The following MLLT10 variants were observed in gnomAD, a reference collection of about 807,000 sequenced individuals.
MLLT10 encodes the protein MLLT10 histone lysine methyltransferase DOT1L cofactor.
Under a neutral mutation model 129.1 loss-of-function variants are expected in MLLT10, and 30 were observed. That is an observed-to-expected ratio of 0.23 (90% confidence interval 0.17 to 0.32). MLLT10 has a LOEUF of 0.32. Ranked by LOEUF, MLLT10 falls within the 10% of genes least tolerant of loss-of-function variation. The pLI is 1.00. For synonymous variants in MLLT10, 490 were observed against 446.4 expected, an observed-to-expected ratio of 1.10 and a Z score of -1.23; for missense variants, 1,119 against 1,268.3, an observed-to-expected ratio of 0.88 and a Z score of 1.79.
intron 16 of MLLT10, among the ~76,000 whole-genome samples, chr10:21,728,691 A>T (rs1318170409): frequency 9.2e-5 from 14 of 152,088 alleles, no homozygotes; most frequent in Admixed American, 6.6e-4. Flanking sequence ...AGAAAAGCCC[A>T]TTCTAGGGTC....
At chr10:21,612,501 T>TA (rs1240361438) in intron 6 of MLLT10, 50 bp downstream of exon 6, 3 of 1,155,274 alleles carry the variant, frequency 2.6e-6, no homozygotes, top group African/African-American at 3.1e-5. Context: ...AAATACCTTG[T>TA]GTAACAATCA....
chr10:21,574,353 TA>T (rs943337635), intron 3 of MLLT10, among the ~76,000 whole-genome samples: 16 of 151,644 alleles, frequency 1.1e-4, no homozygotes, highest in South Asian at 2.1e-4. Context: ...TCTTCCTATT[TA>T]AAAAAAAATT....
At chr10:21,707,189 A>ATTTTT (rs1199544245) in intron 13 of MLLT10, among the ~76,000 whole-genome samples, 7 of 122,498 alleles carry the variant, frequency 5.7e-5, no homozygotes, top group African/African-American at 1.3e-4. Flanking sequence ...AGTTTAGATG[A>ATTTTT]TTTTTTTTTT....
intron 21 of MLLT10, among the ~76,000 whole-genome samples, chr10:21,739,498 A>G (rs747126568): frequency 2.0e-4 from 31 of 152,210 alleles, no homozygotes; most frequent in Admixed American, 4.6e-4. Context: ...GACGCAGAGC[A>G]GTAATCACAT....
At chr10:21,724,328 G>T (rs764958025) in intron 14 of MLLT10, among the ~76,000 whole-genome samples, 1 of 152,180 alleles carries the variant, frequency 6.6e-6, no homozygotes, top group Non-Finnish European at 1.5e-5. Flanking sequence ...TTTGTAAGTG[G>T]GCTGAAGGCC....
chr10:21,732,212 C>T (rs568252324), intron 17 of MLLT10, among the ~76,000 whole-genome samples: 2 of 152,172 alleles, frequency 1.3e-5, no homozygotes, highest in Non-Finnish European at 2.9e-5. Flanking sequence ...AAAATCTTAA[C>T]GGCAACACTC....
chr10:21,574,876 A>G (rs1279630621), intron 3 of MLLT10, among the ~76,000 whole-genome samples: 2 of 151,972 alleles, frequency 1.3e-5, no homozygotes, highest in African/African-American at 2.4e-5. Flanking sequence ...CTTTATTACA[A>G]CCTGTTTTAT....
intron 2 of MLLT10, among the ~76,000 whole-genome samples, chr10:21,538,619 G>C (rs528474205): frequency 2.5e-4 from 38 of 152,216 alleles, no homozygotes; most frequent in African/African-American, 8.9e-4. Flanking sequence ...GATTTATTTA[G>C]ATGAGGTAAC....
intron 8 of MLLT10, among the ~76,000 whole-genome samples, chr10:21,639,870 T>A (rs1486090837): frequency 2.0e-5 from 3 of 151,894 alleles, no homozygotes; most frequent in Non-Finnish European, 4.4e-5. Context: ...TAGGGGAAGT[T>A]TAGAGCATAT....
intron 13 of MLLT10, among the ~76,000 whole-genome samples, chr10:21,683,142 C>T (rs1195143820): frequency 6.6e-6 from 1 of 152,138 alleles, no homozygotes; most frequent in Non-Finnish European, 1.5e-5. Context: ...ACAGTATCGA[C>T]AGCCAACAAG....
At chr10:21,539,976 C>A (rs187041478) in intron 3 of MLLT10, among the ~76,000 whole-genome samples, 1 of 151,686 alleles carries the variant, frequency 6.6e-6, no homozygotes, top group African/African-American at 2.4e-5. Context: ...GGAGGTAGGC[C>A]GGGTGCAGTG....
chr10:21,629,728 G>T (rs971089633), intron 8 of MLLT10, among the ~76,000 whole-genome samples: 2 of 152,214 alleles, frequency 1.3e-5, no homozygotes, highest in African/African-American at 4.8e-5. Flanking sequence ...TTGAAGAGGA[G>T]TTTCAATGTA....
intron 3 of MLLT10, among the ~76,000 whole-genome samples, chr10:21,584,062 G>T (rs1271543687): frequency 1.3e-5 from 2 of 151,688 alleles, no homozygotes; most frequent in African/African-American, 2.4e-5. Flanking sequence ...ATAGAGACGG[G>T]GTTTCACCGT....
intron 22 of MLLT10, among the ~76,000 whole-genome samples, chr10:21,741,351 TATGAA>T (rs1833583006): frequency 6.6e-6 from 1 of 152,222 alleles, no homozygotes; most frequent in Admixed American, 6.5e-5. Flanking sequence ...GGTTATACAA[TATGAA>T]ATGTATTTAA....
At chr10:21,664,289 TG>T (rs1336016722) in intron 9 of MLLT10, among the ~76,000 whole-genome samples, 1 of 151,616 alleles carries the variant, frequency 6.6e-6, no homozygotes, top group Non-Finnish European at 1.5e-5. Flanking sequence ...TCTATGTATG[TG>T]TTTTTTTTTT....
At position 21,734,126 on chromosome 10, in the gene MLLT10, A is replaced by C. The variant is rs1463976700; in HGVS notation, c.2855A>C (p.Asn952Thr). Reference sequence around the variant, plus strand: ...CATCCAATGCCAGCTACACTGACTAACAGGTAAGAAACTTAAGTATGTTTT... The same window carrying C: ...CATCCAATGCCAGCTACACTGACTACCAGGTAAGAAACTTAAGTATGTTTT... The part of the protein sequence containing the change: ...ATHPMPATLT[N>T]SASGLGLLSD... The change falls in exon 20 of 23, where the codon AAC becomes ACC. Residue 952 changes from asparagine (N) to threonine (T), a missense_variant. Coordinates refer to ENST00000307729, the MANE Select transcript of MLLT10 (RefSeq NM_001195626.3). The C allele has an allele frequency of 1.3e-6, 2 of 1,596,114 alleles. No homozygotes were observed. The highest frequency in any genetic ancestry group is 1.7e-6 in the Non-Finnish European group (2 of 1,169,680).
intron 21 of MLLT10, among the ~76,000 whole-genome samples, chr10:21,736,110 T>C (rs2131586101): frequency 6.6e-6 from 1 of 152,290 alleles, no homozygotes; most frequent in East Asian, 1.9e-4. Flanking sequence ...AGTGAAATAA[T>C]GATTTACATT....
At chr10:21,710,598 T>A (rs377403949) in intron 13 of MLLT10, among the ~76,000 whole-genome samples, 2 of 152,342 alleles carry the variant, frequency 1.3e-5, no homozygotes, top group African/African-American at 4.8e-5. Flanking sequence ...TCTTCAGATC[T>A]GAATTTCCTG....
chr10:21,596,870 G>T (rs991113095), intron 5 of MLLT10, among the ~76,000 whole-genome samples: 1 of 151,638 alleles, frequency 6.6e-6, no homozygotes, highest in Non-Finnish European at 1.5e-5. Flanking sequence ...TTTTAATTTT[G>T]TTACGTCTTC....
Sources: allele counts gnomAD v4.1 joint callset (sites outside exome capture counted in the v4.1 genomes callset), GRCh38; gene constraint gnomAD v4.1.1; transcripts MANE v1.5; gene names NCBI Gene and HGNC (gene_info 2026-07-23, HGNC 2026-07-21).